RIOX2: variants seen among roughly 807,000 people sequenced by gnomAD.
RIOX2 encodes ribosomal oxygenase 2, also known as 60S ribosomal protein L27a histidine hydroxylase.
Under a neutral mutation model 51.2 loss-of-function variants are expected in RIOX2, and 43 were observed. The ratio of observed to expected loss-of-function variants is 0.84; its 90% CI spans 0.66 to 1.08. RIOX2 has a LOEUF of 1.08. Ranked by LOEUF, RIOX2 falls within the 50% of genes least tolerant of loss-of-function variation. The pLI is 0.00. For synonymous variants in RIOX2, 226 were observed against 218.5 expected (o/e 1.03, Z -0.30); for missense variants, 566 against 561.7 (o/e 1.01, Z -0.08).
In RIOX2 at chr3:97,942,498, A is replaced by T; in HGVS notation, c.*2686T>A. The T allele has an allele frequency of 4.1e-6, 6 of 1,465,820 alleles. No individual in the cohort carries two copies. The highest frequency in any genetic ancestry group is 5.5e-6 in the Non-Finnish European group (6 of 1,084,832). The allele number at this position is 1,465,820 out of a possible 1,614,324, so 90.8% of individuals were successfully genotyped here. On this transcript the variant is annotated 3_prime_UTR_variant, in exon 10 of 10. Transcript: ENST00000394198. ...TCCCTGGATATTAGTTTCAGTTCCAAATCTCCTCATTTTGGGTAAAGGACA... is the reference window on the plus strand; with the variant it reads ...TCCCTGGATATTAGTTTCAGTTCCATATCTCCTCATTTTGGGTAAAGGACA...
Position 97,962,086 on chromosome 3 carries a change from A to G in RIOX2, c.433-378T>C, listed in dbSNP as rs1431709447. Among the ~76,000 whole-genome samples, 4 of 152,202 alleles carry G rather than the reference A, an allele frequency of 2.6e-5. No homozygotes were observed. The East Asian group carries it at 7.7e-4, about 29-fold the overall frequency. On this transcript the variant is annotated intron_variant, in intron 2 of 9. Coordinates refer to ENST00000394198, the MANE Select transcript of RIOX2 (RefSeq NM_153182.4). The stretch of plus-strand genomic sequence containing the variant: ...AGAGAGACTAGTGAGGAAGCTTCTC[A>G]GGCAGCAGCTCAAGCGAGAAGTGAC...
chr3:97,953,810 T>C (rs1001701554), intron 5 of RIOX2, among the ~76,000 whole-genome samples: 10 of 152,228 alleles, frequency 6.6e-5, no homozygotes, highest in Non-Finnish European at 1.2e-4. Flanking sequence ...GGAACTGCTG[T>C]CAGCACATGC....
intron 7 of RIOX2, among the ~76,000 whole-genome samples, chr3:97,947,686 A>G (rs2040397375): frequency 6.6e-6 from 1 of 152,238 alleles, no homozygotes; most frequent in Non-Finnish European, 1.5e-5. Flanking sequence ...ATGTAAGTTT[A>G]TAAGTACAAT....
At chr3:97,954,547 G>A (rs888610629) in intron 4 of RIOX2, 52 bp from the exon 5 acceptor site, 13 of 1,434,604 alleles carry the variant, frequency 9.1e-6, no homozygotes, top group Admixed American at 5.4e-5. Context: ...TTCCTTCTCA[G>A]TCCTCTTCAT....
chr3:97,966,355 G>A (rs538130600), intron 2 of RIOX2, among the ~76,000 whole-genome samples: 1 of 152,120 alleles, frequency 6.6e-6, no homozygotes, highest in African/African-American at 2.4e-5. Flanking sequence ...TCTGAATGGG[G>A]ATAAAAGTTT....
intron 1 of RIOX2, among the ~76,000 whole-genome samples, chr3:97,969,941 G>A (rs1043024637): frequency 2.6e-5 from 4 of 152,138 alleles, no homozygotes; most frequent in Admixed American, 6.5e-5. Context: ...CATTGCTCAC[G>A]TTTAATTTTT....
In RIOX2 at chr3:97,961,630, C is replaced by A. The variant is rs567396134; in HGVS notation, c.511G>T (p.Ala171Ser). ...LVGSNVYITP[A>S]GSQGLPPHYD... ...TGGGGCGGCAGGCCCTGAGATCCTG[C>A]GGGAGTTATGTACACATTCGAGCCA... is the stretch of plus-strand genomic sequence containing the variant. Residue 171 changes from alanine (A) to serine (S), a missense_variant, in exon 3 of 10, where the codon GCA (alanine) becomes TCA (serine). Ala to Ser is a moderately conservative substitution (Grantham distance 99). Coordinates refer to ENST00000394198, the MANE Select transcript of RIOX2 (RefSeq NM_153182.4). 4.3e-6 allele frequency: 7 copies of A among 1,611,792 alleles called. No homozygotes were observed. The highest frequency in any genetic ancestry group is 4.0e-5 in the African/African-American group (3 of 74,760).
intron 2 of RIOX2, among the ~76,000 whole-genome samples, chr3:97,964,037 A>G (rs1018701818): frequency 6.6e-6 from 1 of 152,300 alleles, no homozygotes; most frequent in Middle Eastern, 3.4e-3. Context: ...TGACTCAAGC[A>G]CAAACAAGGC....
chr3:97,965,748 A>C (rs1414831033), intron 2 of RIOX2, among the ~76,000 whole-genome samples: 2 of 152,226 alleles, frequency 1.3e-5, no homozygotes, highest in East Asian at 3.8e-4. Context: ...AGTGGATACC[A>C]CACATATGCC....
At chr3:97,970,669 G>T (rs1319260152) in intron 1 of RIOX2, among the ~76,000 whole-genome samples, 1 of 152,138 alleles carries the variant, frequency 6.6e-6, no homozygotes, top group East Asian at 1.9e-4. Flanking sequence ...AAATATTTCT[G>T]TAAAATCACA....
intron 2 of RIOX2, among the ~76,000 whole-genome samples, chr3:97,963,211 C>T (rs1219874453): frequency 1.3e-5 from 2 of 152,224 alleles, no homozygotes; most frequent in Non-Finnish European, 2.9e-5. Flanking sequence ...GCAGCCTCGA[C>T]ATCCCAGGCT....
chr3:97,965,338 C>CCGA (rs1332476646), intron 2 of RIOX2, among the ~76,000 whole-genome samples: 5 of 152,028 alleles, frequency 3.3e-5, no homozygotes, highest in African/African-American at 1.2e-4. Context: ...ATGGCGAAAC[C>CCGA]CTGTCTCTAC....
intron 7 of RIOX2, among the ~76,000 whole-genome samples, chr3:97,948,926 C>T (rs1705118088): frequency 1.3e-5 from 2 of 152,258 alleles, no homozygotes; most frequent in South Asian, 4.2e-4. Flanking sequence ...ATCTGGAAGT[C>T]ATCAATGACA....
In RIOX2 at chr3:97,954,377, G is replaced by A. The variant is rs773885463; in HGVS notation, c.785+15C>T. On this transcript the variant is annotated intron_variant, in intron 5 of 9. Coordinates refer to ENST00000394198, the MANE Select transcript of RIOX2 (RefSeq NM_153182.4). ...AGAGCTGTCCTAGCATGTGCAGCTGGGAGGCAGTGTTTACTTGTTCTGGTA... is the reference window on the plus strand; with the variant it reads ...AGAGCTGTCCTAGCATGTGCAGCTGAGAGGCAGTGTTTACTTGTTCTGGTA... 3.8e-6 allele frequency: 6 copies of A among 1,579,974 alleles called. No homozygotes were observed. The highest frequency in any genetic ancestry group is 5.2e-6 in the Non-Finnish European group (6 of 1,149,174).
chr3:97,949,584 A>G (rs1705159910), intron 7 of RIOX2, among the ~76,000 whole-genome samples: 2 of 152,064 alleles, frequency 1.3e-5, no homozygotes, highest in Non-Finnish European at 2.9e-5. Context: ...AAATATACAT[A>G]TTTCTCACCC....
rs765494538 is a variant in RIOX2, at chr3:97,942,205, A to G, written c.*2979T>C. Reference sequence around the variant, plus strand: ...CACACTTCATGTCTATGACTTGTTTACCTAAGATAAAAGGGACCTAATTCA... The same window carrying G: ...CACACTTCATGTCTATGACTTGTTTGCCTAAGATAAAAGGGACCTAATTCA... On this transcript the variant is annotated 3_prime_UTR_variant, in exon 10 of 10. Transcript: ENST00000394198. 38 of 1,274,822 alleles carry G rather than the reference A, an allele frequency of 3.0e-5. No homozygotes were observed. The highest frequency in any genetic ancestry group is 3.8e-5 in the Non-Finnish European group (35 of 918,636). 79.0% of individuals were successfully genotyped at this position (1,274,822 alleles called of 1,614,324 possible).
Position 97,950,939 on chromosome 3 carries a change from G to A in RIOX2, c.786-51C>T, listed in dbSNP as rs541752945. ...AAAAACCAAAACAGTGAGTGCATACGAAATATACATAAAATACTTATTGCT... is the reference window on the plus strand; with the variant it reads ...AAAAACCAAAACAGTGAGTGCATACAAAATATACATAAAATACTTATTGCT... On this transcript the variant is annotated intron_variant, in intron 5 of 9. Transcript: ENST00000394198. 133 of 1,261,584 alleles carry A rather than the reference G, an allele frequency of 1.1e-4. 1 individual carries two copies. The highest frequency in any genetic ancestry group is 1.0e-3 in the South Asian group (86 of 83,162). 78.1% of individuals were successfully genotyped at this position (1,261,584 alleles called of 1,614,324 possible). A position where few individuals can be genotyped will look rare whatever the true frequency, so the allele number is the denominator to read the frequency against.
chr3:97,950,095 A>G (rs1471329894), intron 6 of RIOX2, 80 bp from the exon 7 acceptor site: 5 of 1,389,432 alleles, frequency 3.6e-6, no homozygotes, highest in Non-Finnish European at 4.0e-6. Context: ...AGACTGCAAA[A>G]CTGCCAGCCA....
intron 5 of RIOX2, chr3:97,952,341 G>T (rs1705284299): frequency 1.3e-6 from 1 of 765,550 alleles, no homozygotes; most frequent in Admixed American, 2.3e-5. Flanking sequence ...TGTAACTTAG[G>T]AAGCTCTTCC....
Sources: gnomAD v4.1 joint callset for allele counts (sites outside exome capture counted in the v4.1 genomes callset) on GRCh38, gnomAD v4.1.1 for gene constraint, MANE v1.5 for transcripts, NCBI Gene and HGNC (gene_info 2026-07-23, HGNC 2026-07-21) for gene names.